Variants in DOCK5 observed in about 807,000 individuals in gnomAD.
DOCK5 encodes the protein dedicator of cytokinesis protein 5.
A neutral mutation model predicts 251.8 loss-of-function variants in DOCK5; 142 were observed. The ratio of observed to expected loss-of-function variants is 0.56; its 90% confidence interval spans 0.49 to 0.65. The LOEUF (loss-of-function observed/expected upper bound fraction) is 0.65, where lower values mean the gene tolerates loss of function less well. DOCK5 is among the 30% of genes least tolerant of loss of function. DOCK5 has a pLI of 0.00. For synonymous variants in DOCK5, 842 were observed against 835.5 expected (o/e 1.01, Z -0.13); for missense variants, 2,111 against 2,312.3 (o/e 0.91, Z 1.79).
At position 25,275,397 on chromosome 8, in the gene DOCK5, T is replaced by C; in HGVS notation, c.180T>C (p.Pro60=). Residue 60 remains proline (P), a synonymous_variant, in exon 4 of 52, where the codon CCT becomes CCC. Coordinates refer to ENST00000276440, the MANE Select transcript of DOCK5 (RefSeq NM_024940.8). ...LQNKSKKGIF[P]ETYIHLKEAT... The stretch of plus-strand genomic sequence containing the variant: ...TCTTTTCTCTGTAGGGCATTTTCCC[T>C]GAAACATATATCCATTTGAAAGAGG... 1 of 1,607,188 alleles carries C rather than the reference T, an allele frequency of 6.2e-7. No individual in the cohort carries two copies. Among genetic ancestry groups the C allele is most frequent in the Non-Finnish European group, 8.5e-7 (1 of 1,178,230 alleles).
At position 25,371,108 on chromosome 8, in the gene DOCK5, G is replaced by A. The variant is rs957435504; in HGVS notation, c.3525-1451G>A. 2.0e-5 allele frequency among the ~76,000 whole-genome samples: 3 copies of A among 151,974 alleles called. No individual in the cohort carries two copies. In the South Asian group the frequency reaches 6.2e-4, roughly 32 times the overall value. ...TTAGTTGTTCACCTGTTCGCCTGTT[G>A]TGTGTGAGTTTTGTGGATGAGAGTC... is the stretch of plus-strand genomic sequence containing the variant. On this transcript the variant is annotated intron_variant, in intron 34 of 51. Coordinates refer to ENST00000276440, the MANE Select transcript of DOCK5 (RefSeq NM_024940.8).
chr8:25,301,231 C>G (rs936716885), intron 9 of DOCK5, among the ~76,000 whole-genome samples: 1 of 152,170 alleles, frequency 6.6e-6, no homozygotes, highest in Non-Finnish European at 1.5e-5. Flanking sequence ...GGTCTCAGAG[C>G]ATATTCATCA....
chr8:25,215,618 A>G (rs1473380337), intron 1 of DOCK5, among the ~76,000 whole-genome samples: 1 of 152,052 alleles, frequency 6.6e-6, no homozygotes, highest in Non-Finnish European at 1.5e-5. Context: ...GCAATTTGCA[A>G]CCTACTCAAT....
At chr8:25,279,226 A>G (rs1397549821) in intron 5 of DOCK5, among the ~76,000 whole-genome samples, 4 of 152,116 alleles carry the variant, frequency 2.6e-5, no homozygotes, top group African/African-American at 9.7e-5. Context: ...TCTTTCTCCC[A>G]ACACTGGTTT....
chr8:25,308,982 G>A lies in DOCK5; in HGVS notation c.1192+57G>A, dbSNP rs974596561. ...CTGCTGAGGGTGGGGGACATTCACAGCTGGGTCCTTGGACTCCTGCCCTTT... is the reference window on the plus strand; with the variant it reads ...CTGCTGAGGGTGGGGGACATTCACAACTGGGTCCTTGGACTCCTGCCCTTT... On this transcript the variant is annotated intron_variant, in intron 12 of 51. Coordinates refer to ENST00000276440, the MANE Select transcript of DOCK5 (RefSeq NM_024940.8). The A allele has an allele frequency of 5.1e-6, 8 of 1,575,590 alleles. No homozygotes were observed. In the African/African-American group the frequency reaches 1.1e-4, roughly 21 times the overall value.
chr8:25,280,243 T>G lies in DOCK5; in HGVS notation c.321+1578T>G, dbSNP rs556314281. Among the ~76,000 whole-genome samples the G allele has an allele frequency of 2.0e-5, 3 of 152,360 alleles. No homozygotes were observed. In the South Asian group the frequency reaches 6.2e-4, roughly 32 times the overall value. ...AGTTCAGGGAGGTTGTAGACCAGAC[T>G]TGATGGCCTGGGAACCCTCCTCTTT... On this transcript the variant is annotated intron_variant, in intron 5 of 51. Coordinates refer to ENST00000276440, the MANE Select transcript of DOCK5 (RefSeq NM_024940.8).
intron 1 of DOCK5, among the ~76,000 whole-genome samples, chr8:25,190,371 T>G (rs1364564407): frequency 6.6e-6 from 1 of 152,216 alleles, no homozygotes; most frequent in African/African-American, 2.4e-5. Context: ...AGTACCAAGA[T>G]CTAGTGACAG....
chr8:25,395,970 C>T, intron 45 of DOCK5: 1 of 574,860 alleles, frequency 1.7e-6, no homozygotes, highest in African/African-American at 1.9e-5. Context: ...GGTCAAAGCA[C>T]CTGTTATTCT....
intron 8 of DOCK5, 146 bp downstream of exon 8, chr8:25,299,247 A>G: frequency 1.1e-6 from 1 of 936,152 alleles, no homozygotes; most frequent in African/African-American, 1.7e-5. Flanking sequence ...GTAAAATCAT[A>G]TGGTCTATGA....
chr8:25,366,738 A>C lies in DOCK5; in HGVS notation c.3124-132A>C, dbSNP rs1586366752. On this transcript the variant is annotated intron_variant, in intron 30 of 51. Coordinates refer to ENST00000276440, the MANE Select transcript of DOCK5 (RefSeq NM_024940.8). ...AGGATTGAATAATCAAAACCTAAGA[A>C]GAATGTAGATTGTATTTTGTTCTTT... 4 of 627,232 alleles carry C rather than the reference A, an allele frequency of 6.4e-6. No homozygotes were observed. The East Asian group carries it at 1.2e-4, about 18-fold the overall frequency. The allele number at this position is 627,232 out of a possible 1,614,324, so 38.9% of individuals were successfully genotyped here. A position where few individuals can be genotyped will look rare whatever the true frequency, so the allele number is the denominator to read the frequency against.
At chr8:25,380,443 T>C (rs201073417) in intron 39 of DOCK5, 49 bp downstream of exon 39, 5 of 1,467,380 alleles carry the variant, frequency 3.4e-6, no homozygotes, top group East Asian at 4.8e-5. Context: ...TTGCTAAAAT[T>C]AGCACTCATG....
chr8:25,367,809 G>A (rs896759305), intron 31 of DOCK5, among the ~76,000 whole-genome samples: 2 of 152,132 alleles, frequency 1.3e-5, no homozygotes, highest in Non-Finnish European at 2.9e-5. Context: ...AGTCTATAAA[G>A]TATATAAGTA....
chr8:25,295,910 C>T (rs1804604960), intron 6 of DOCK5, among the ~76,000 whole-genome samples: 1 of 152,106 alleles, frequency 6.6e-6, no homozygotes, highest in Admixed American at 6.6e-5. Context: ...GCCTCAACTT[C>T]CTGGGCTCAA....
chr8:25,214,613 C>A (rs1182352319), intron 1 of DOCK5, among the ~76,000 whole-genome samples: 1 of 152,146 alleles, frequency 6.6e-6, no homozygotes, highest in Admixed American at 6.5e-5. Flanking sequence ...AGCTGCCAAC[C>A]CCTGACCCCC....
In DOCK5 at chr8:25,305,745, T is replaced by C. The variant is rs115441152; in HGVS notation, c.1049+1418T>C. On this transcript the variant is annotated intron_variant, in intron 11 of 51. Coordinates refer to ENST00000276440, the MANE Select transcript of DOCK5 (RefSeq NM_024940.8). ...TTTATTTTTTATCTTGACCACACTT[T>C]AGTGTTTGGGTAGATATAAGGAGAC... Among the ~76,000 whole-genome samples the C allele has an allele frequency of 5.8e-3, 878 of 152,262 alleles. 3 individuals carry two copies. Among genetic ancestry groups the C allele is most frequent in the African/African-American group, 0.02 (849 of 41,550 alleles).
intron 51 of DOCK5, 36 bp from the exon 52 acceptor site, chr8:25,411,158 A>C: frequency 6.7e-7 from 1 of 1,501,970 alleles, no homozygotes; most frequent in South Asian, 1.3e-5. Flanking sequence ...AAGAAAGCTA[A>C]GACCTGCTTC....
At chr8:25,350,242 CA>C (rs1286830629) in intron 26 of DOCK5, among the ~76,000 whole-genome samples, 1 of 151,792 alleles carries the variant, frequency 6.6e-6, no homozygotes, top group Non-Finnish European at 1.5e-5. Context: ...AAATGTTAAG[CA>C]AAAAAATACA....
chr8:25,234,500 T>C (rs1802745255), intron 1 of DOCK5, among the ~76,000 whole-genome samples: 1 of 152,252 alleles, frequency 6.6e-6, no homozygotes. Context: ...ATCAGATTTT[T>C]TTCTGTTTTA....
At position 25,372,755 on chromosome 8, in the gene DOCK5, G is replaced by C. The variant is rs200685584; in HGVS notation, c.3684+37G>C. The C allele has an allele frequency of 4.2e-5, 66 of 1,583,420 alleles. 1 individual carries two copies. In the African/African-American group the frequency reaches 7.1e-4, roughly 17 times the overall value. On this transcript the variant is annotated intron_variant, in intron 35 of 51. Coordinates refer to ENST00000276440, the MANE Select transcript of DOCK5 (RefSeq NM_024940.8). ...GCCTCCGGTGTGATGGGAGGGTACT[G>C]TCAGGCCGCCCCTGCACCCTACAGC...
Sources: gnomAD v4.1 joint callset for allele counts (sites outside exome capture counted in the v4.1 genomes callset) on GRCh38, gnomAD v4.1.1 for gene constraint, MANE v1.5 for transcripts, NCBI Gene and HGNC (gene_info 2026-07-23, HGNC 2026-07-21) for gene names.